The following CSMD2 variants were observed in gnomAD, a reference collection of about 807,000 sequenced individuals.
CSMD2 encodes CUB and sushi domain-containing protein 2.
In CSMD2, 130 loss-of-function variants were observed where a neutral mutation model predicts 398.5. The ratio of observed to expected loss-of-function variants is 0.33; its 90% confidence interval spans 0.28 to 0.38. CSMD2 has a LOEUF of 0.38. CSMD2 is among the 10% of genes least tolerant of loss of function. CSMD2 has a pLI of 1.00. For missense variants in CSMD2, 3,829 were observed against 4,764.9 expected, an observed-to-expected ratio of 0.80 and a Z score of 5.78; for synonymous variants, 1,828 against 1,908.5, an observed-to-expected ratio of 0.96 and a Z score of 1.10.
At chr1:33,584,922 C>A (rs981915138) in intron 46 of CSMD2, among the ~76,000 whole-genome samples, 1 of 152,090 alleles carries the variant, frequency 6.6e-6, no homozygotes, top group East Asian at 1.9e-4. Flanking sequence ...GTTATTTCGT[C>A]ATCACCATGA....
At chr1:34,000,415 C>T (rs1259365536) in intron 3 of CSMD2, among the ~76,000 whole-genome samples, 1 of 152,094 alleles carries the variant, frequency 6.6e-6, no homozygotes, top group African/African-American at 2.4e-5. Flanking sequence ...AGACATCCAT[C>T]CCCAAACCAC....
chr1:33,988,931 A>C lies in CSMD2; in HGVS notation c.517+43663T>G, dbSNP rs553126392. Among the ~76,000 whole-genome samples, 137 of 150,684 alleles carry C rather than the reference A, an allele frequency of 9.1e-4. 1 individual carries two copies. The highest frequency in any genetic ancestry group is 1.5e-3 in the Admixed American group (23 of 15,102). ...GAATCATACAACTGAGTGTATATACAAGCTAGAACTATAACACTTCCAGAA... is the reference window on the plus strand; with the variant it reads ...GAATCATACAACTGAGTGTATATACCAGCTAGAACTATAACACTTCCAGAA... On this transcript the variant is annotated intron_variant, in intron 3 of 70. Transcript: ENST00000373381.
chr1:33,734,177 A>G (rs1646809624), intron 15 of CSMD2, among the ~76,000 whole-genome samples: 1 of 152,182 alleles, frequency 6.6e-6, no homozygotes, highest in African/African-American at 2.4e-5. Flanking sequence ...TTATTACAGT[A>G]CTTGCTTTTT....
chr1:33,881,098 A>G (rs1641207294), intron 5 of CSMD2, among the ~76,000 whole-genome samples: 1 of 152,220 alleles, frequency 6.6e-6, no homozygotes, highest in Non-Finnish European at 1.5e-5. Flanking sequence ...TAAGCAACAC[A>G]TTACGCAGGG....
At chr1:33,595,523 C>T (rs567910659) in intron 44 of CSMD2, among the ~76,000 whole-genome samples, 5 of 152,262 alleles carry the variant, frequency 3.3e-5, no homozygotes, top group African/African-American at 1.2e-4. Context: ...TAAATATCCC[C>T]TTCCTTATAA....
chr1:34,102,555 A>T (rs1396055142), intron 1 of CSMD2, among the ~76,000 whole-genome samples: 8 of 151,280 alleles, frequency 5.3e-5, no homozygotes, highest in African/African-American at 1.9e-4. Flanking sequence ...CATCCCTGTG[A>T]TCCAACCATA....
At chr1:33,554,019 G>A (rs1315850732) in intron 55 of CSMD2, among the ~76,000 whole-genome samples, 1 of 151,918 alleles carries the variant, frequency 6.6e-6, no homozygotes, top group Non-Finnish European at 1.5e-5. Context: ...AGCAGAGGTT[G>A]GCTTATGACG....
chr1:33,605,499 T>G, intron 41 of CSMD2, 29 bp from the exon 42 acceptor site: 1 of 1,610,386 alleles, frequency 6.2e-7, no homozygotes, highest in Non-Finnish European at 8.5e-7. Flanking sequence ...AAAGGTCACT[T>G]TATTCTCTCT....
In CSMD2 at chr1:33,793,024, C is replaced by G. The variant is rs113776175; in HGVS notation, c.1447-498G>C. ...AAAGAGATTTCAACAAGATTCCCCC[C>G]TCTTGTTTTAATCCTGCCTTCCACA... is the stretch of plus-strand genomic sequence containing the variant. On this transcript the variant is annotated intron_variant, in intron 10 of 70. Coordinates refer to ENST00000373381, the MANE Select transcript of CSMD2 (RefSeq NM_001281956.2). Among the ~76,000 whole-genome samples, 44 of 152,220 alleles carry G rather than the reference C, an allele frequency of 2.9e-4. No homozygotes were observed. The Middle Eastern group carries it at 0.014, about 47-fold the overall frequency.
chr1:33,971,156 C>T (rs74344488), intron 3 of CSMD2, among the ~76,000 whole-genome samples: 2,090 of 152,292 alleles, frequency 0.014, 85 homozygotes, highest in East Asian at 0.13. Flanking sequence ...TCTCCTTCAA[C>T]GCTTCTGGCA....
At chr1:33,940,147 T>C (rs1412613418) in intron 3 of CSMD2, among the ~76,000 whole-genome samples, 1 of 152,164 alleles carries the variant, frequency 6.6e-6, no homozygotes, top group Non-Finnish European at 1.5e-5. Flanking sequence ...GCAATTTTTG[T>C]TGTTCCTTGG....
chr1:33,698,137 C>A (rs1218632908), intron 24 of CSMD2, among the ~76,000 whole-genome samples: 2 of 152,212 alleles, frequency 1.3e-5, no homozygotes, highest in African/African-American at 4.8e-5. Flanking sequence ...TGCACTTCTG[C>A]CTCAGATCAC....
chr1:33,651,241 G>A (rs974884275), intron 28 of CSMD2, among the ~76,000 whole-genome samples: 1 of 152,172 alleles, frequency 6.6e-6, no homozygotes, highest in African/African-American at 2.4e-5. Context: ...ATGGAGAAGA[G>A]GAAATACATG....
intron 25 of CSMD2, among the ~76,000 whole-genome samples, chr1:33,687,984 C>T (rs919741074): frequency 1.3e-5 from 2 of 152,130 alleles, no homozygotes; most frequent in African/African-American, 2.4e-5. Context: ...AGTGATACTG[C>T]GTGGGGTAGC....
In CSMD2 at chr1:33,935,963, A is replaced by G. The variant is rs2125328020; in HGVS notation, c.518-9T>C. 2 of 1,600,016 alleles carry G rather than the reference A, an allele frequency of 1.2e-6. No homozygotes were observed. The highest frequency in any genetic ancestry group is 1.7e-4 in the Middle Eastern group (1 of 5,980). On this transcript the variant is annotated splice_polypyrimidine_tract_variant and intron_variant, in intron 3 of 70. Transcript: ENST00000373381. The stretch of plus-strand genomic sequence containing the variant: ...TGTGTGGCTGGGGAGAACTGTGAGG[A>G]GAAACAGAGAAAGAGACGGGTACCC...
chr1:33,658,561 T>C (rs932181988), intron 26 of CSMD2, among the ~76,000 whole-genome samples: 9 of 152,204 alleles, frequency 5.9e-5, no homozygotes, highest in Non-Finnish European at 1.2e-4. Context: ...GACAAGATAA[T>C]TAAGTCTAAA....
rs1413237662 is a variant in CSMD2, at chr1:33,804,598, C to T, written c.1446+6145G>A. 4.4e-6 allele frequency: 3 copies of T among 674,672 alleles called. No homozygotes were observed. The African/African-American group carries it at 5.3e-5, about 12-fold the overall frequency. 41.8% of individuals were successfully genotyped at this position (674,672 alleles called of 1,614,324 possible). Reference sequence around the variant, plus strand: ...TGTTCTTCACTCTTACGTGCACACTCCTCAAGGGCAGAGGCCATATCTACA... The same window carrying T: ...TGTTCTTCACTCTTACGTGCACACTTCTCAAGGGCAGAGGCCATATCTACA... On this transcript the variant is annotated intron_variant, in intron 10 of 70. Transcript: ENST00000373381.
At chr1:34,116,954 G>A (rs1018529071) in intron 1 of CSMD2, among the ~76,000 whole-genome samples, 1 of 151,874 alleles carries the variant, frequency 6.6e-6, no homozygotes, top group African/African-American at 2.4e-5. Context: ...TGAAAATAAA[G>A]ATAAAGCATG....
intron 1 of CSMD2, among the ~76,000 whole-genome samples, chr1:34,102,697 T>TATCCCTGTAATCC (rs1253950996): frequency 1.3e-5 from 2 of 151,726 alleles, no homozygotes; most frequent in African/African-American, 2.4e-5. Context: ...AATCCGGCCA[T>TATCCCTGTAATCC]GCTGGACCTT....
Sources: gnomAD v4.1 joint callset for allele counts (sites outside exome capture counted in the v4.1 genomes callset) on GRCh38, gnomAD v4.1.1 for gene constraint, MANE v1.5 for transcripts, NCBI Gene and HGNC (gene_info 2026-07-23, HGNC 2026-07-21) for gene names.